ERBB4: variants seen among roughly 807,000 people sequenced by gnomAD.
The protein encoded by ERBB4 is receptor tyrosine-protein kinase erbB-4.
In ERBB4, 42 loss-of-function variants were observed where a neutral mutation model predicts 158.0. That is an observed-to-expected ratio of 0.27 (90% confidence interval 0.21 to 0.34). The LOEUF is 0.34. Ranked by LOEUF, ERBB4 falls within the 10% of genes least tolerant of loss-of-function variation. The pLI, the probability that ERBB4 is intolerant of heterozygous loss-of-function variation, is 1.00. For synonymous variants in ERBB4, 583 were observed against 558.7 expected, an observed-to-expected ratio of 1.04 and a Z score of -0.61; for missense variants, 1,333 against 1,624.1, an observed-to-expected ratio of 0.82 and a Z score of 3.08.
At chr2:212,076,459 C>T (rs16847650) in intron 2 of ERBB4, among the ~76,000 whole-genome samples, 3,219 of 151,886 alleles carry the variant, frequency 0.021, 126 homozygotes, top group African/African-American at 0.074. Flanking sequence ...AATAACTAAA[C>T]GAGGCTACAC....
chr2:211,739,009 T>C (rs2074701684), intron 5 of ERBB4, among the ~76,000 whole-genome samples: 1 of 152,220 alleles, frequency 6.6e-6, no homozygotes, highest in Non-Finnish European at 1.5e-5. Flanking sequence ...GTCATCATTC[T>C]GTAATTTTTA....
intron 1 of ERBB4, among the ~76,000 whole-genome samples, chr2:212,243,526 A>T (rs2084194820): frequency 5.3e-5 from 8 of 152,210 alleles, no homozygotes. Flanking sequence ...AGATATAAAG[A>T]AGTCCCCACA....
At chr2:211,513,481 T>C (rs1376630332) in intron 20 of ERBB4, among the ~76,000 whole-genome samples, 1 of 152,052 alleles carries the variant, frequency 6.6e-6, no homozygotes. Flanking sequence ...TTAAGAATTC[T>C]TTCCCCTCTC....
chr2:212,110,665 C>T (rs763316636), intron 2 of ERBB4, among the ~76,000 whole-genome samples: 3 of 152,214 alleles, frequency 2.0e-5, no homozygotes, highest in Non-Finnish European at 4.4e-5. Flanking sequence ...TATCACCGGA[C>T]TGCTTTCAAA....
chr2:211,787,935 A>C, intron 4 of ERBB4, 90 bp downstream of exon 4: 2 of 1,347,466 alleles, frequency 1.5e-6, no homozygotes, highest in Non-Finnish European at 2.1e-6. Flanking sequence ...TCAAAGTTCA[A>C]AATATTAGTA....
intron 2 of ERBB4, among the ~76,000 whole-genome samples, chr2:212,070,914 C>T (rs545716741): frequency 1.2e-4 from 18 of 151,592 alleles, no homozygotes; most frequent in East Asian, 7.8e-4. Flanking sequence ...TTTTCTCTAA[C>T]GGGAACACAT....
At chr2:211,591,120 A>G (rs2068448127) in intron 19 of ERBB4, among the ~76,000 whole-genome samples, 1 of 152,228 alleles carries the variant, frequency 6.6e-6, no homozygotes, top group African/African-American at 2.4e-5. Flanking sequence ...AAATTAATAA[A>G]GATATTGATT....
At chr2:211,635,002 G>C (rs960456696) in intron 16 of ERBB4, among the ~76,000 whole-genome samples, 1 of 152,108 alleles carries the variant, frequency 6.6e-6, no homozygotes, top group Non-Finnish European at 1.5e-5. Context: ...TGAATCAGCG[G>C]AAGCGATAAG....
chr2:212,452,003 G>A (rs908318564), intron 1 of ERBB4, among the ~76,000 whole-genome samples: 21 of 149,440 alleles, frequency 1.4e-4, no homozygotes, highest in African/African-American at 4.2e-4. Flanking sequence ...GCTTGTGAGT[G>A]TGCAGGTTTT....
chr2:211,705,533 T>C (rs2073406897), intron 9 of ERBB4, 142 bp from the exon 10 acceptor site: 1 of 656,550 alleles, frequency 1.5e-6, no homozygotes, highest in Non-Finnish European at 2.7e-6. Flanking sequence ...TAATCTGTGC[T>C]AGATGTGGAG....
At chr2:212,298,382 T>C (rs2086495326) in intron 1 of ERBB4, among the ~76,000 whole-genome samples, 1 of 151,840 alleles carries the variant, frequency 6.6e-6, no homozygotes, top group Non-Finnish European at 1.5e-5. Context: ...TTTCTAACTT[T>C]GCTGTTAGGA....
At chr2:212,209,989 T>C (rs1467939589) in intron 1 of ERBB4, among the ~76,000 whole-genome samples, 3 of 151,916 alleles carry the variant, frequency 2.0e-5, no homozygotes, top group Non-Finnish European at 4.4e-5. Context: ...GGAGATAGAA[T>C]AGGTAGAAAA....
At chr2:212,179,959 A>C (rs1433295279) in intron 1 of ERBB4, among the ~76,000 whole-genome samples, 1 of 151,726 alleles carries the variant, frequency 6.6e-6, no homozygotes, top group East Asian at 1.9e-4. Context: ...GATAAAAAAT[A>C]AATCTCTGGC....
At chr2:211,424,572 C>T (rs2063585154) in intron 22 of ERBB4, among the ~76,000 whole-genome samples, 2 of 151,910 alleles carry the variant, frequency 1.3e-5, no homozygotes, top group Admixed American at 1.3e-4. Flanking sequence ...GAATCTGTTC[C>T]CCATTTCTGC....
At chr2:211,830,538 CTGT>C (rs2077197413) in intron 3 of ERBB4, among the ~76,000 whole-genome samples, 1 of 152,072 alleles carries the variant, frequency 6.6e-6, no homozygotes, top group South Asian at 2.1e-4. Context: ...AAATTTCCTA[CTGT>C]TAACAATATA....
intron 12 of ERBB4, among the ~76,000 whole-genome samples, chr2:211,689,400 C>T (rs1197856052): frequency 1.3e-5 from 2 of 152,016 alleles, no homozygotes; most frequent in African/African-American, 4.8e-5. Context: ...AGTTTCACTA[C>T]GTTGCCCAGG....
intron 1 of ERBB4, among the ~76,000 whole-genome samples, chr2:212,261,286 C>G (rs1013717318): frequency 9.9e-5 from 15 of 152,062 alleles, no homozygotes; most frequent in Non-Finnish European, 2.1e-4. Context: ...AATAGGAAAT[C>G]ACATTGAGAA....
chr2:212,344,994 G>GC (rs1255728304), intron 1 of ERBB4, among the ~76,000 whole-genome samples: 5 of 152,002 alleles, frequency 3.3e-5, no homozygotes, highest in Non-Finnish European at 1.5e-5. Context: ...GGGCGTGGTG[G>GC]GTCACGCCTG....
intron 3 of ERBB4, among the ~76,000 whole-genome samples, chr2:211,864,842 C>G (rs1047135220): frequency 6.6e-6 from 1 of 151,918 alleles, no homozygotes; most frequent in African/African-American, 2.4e-5. Flanking sequence ...GGCACCCTGT[C>G]TCTACTAAAA....
Sources: gnomAD v4.1 joint callset for allele counts (sites outside exome capture counted in the v4.1 genomes callset) on GRCh38, gnomAD v4.1.1 for gene constraint, MANE v1.5 for transcripts, NCBI Gene and HGNC (gene_info 2026-07-23, HGNC 2026-07-21) for gene names.